The following DIRAS2 variants were observed in gnomAD, a reference collection of about 807,000 sequenced individuals.
DIRAS2 encodes the protein DIRAS family GTPase 2.
In DIRAS2, 5 loss-of-function variants were observed where a neutral mutation model predicts 13.9. The observed-to-expected ratio is 0.36, with a 90% CI of 0.19 to 0.76. DIRAS2 has a LOEUF of 0.76. Among genes scored for constraint, DIRAS2 ranks in the 30% least tolerant of loss-of-function variants. The pLI, the probability that DIRAS2 is intolerant of heterozygous loss-of-function variation, is 0.53. For missense variants in DIRAS2, 191 were observed against 263.0 expected (o/e 0.73, Z 1.89); for synonymous variants, 111 against 105.4 (o/e 1.05, Z -0.33).
intron 1 of DIRAS2, among the ~76,000 whole-genome samples, chr9:90,621,402 G>A (rs1416303112): frequency 6.6e-6 from 1 of 152,054 alleles, no homozygotes; most frequent in Non-Finnish European, 1.5e-5. Flanking sequence ...TCTTCAAGGA[G>A]GGGAGGAAAG....
Position 90,622,159 on chromosome 9 carries a change from G to A in DIRAS2, c.-36-8296C>T, listed in dbSNP as rs190471702. Among the ~76,000 whole-genome samples the A allele has an allele frequency of 3.3e-5, 5 of 152,308 alleles. No homozygotes were observed. In the East Asian group the frequency reaches 9.6e-4, roughly 29 times the overall value. On this transcript the variant is annotated intron_variant, in intron 1 of 1. Transcript: ENST00000375765. ...AGTAGCTACTCAGGAGGTTGAGGCA[G>A]GAGGATCTCTTCAGCCCAGGAATGT... is the stretch of plus-strand genomic sequence containing the variant.
At chr9:90,620,858 T>C (rs1373463302) in intron 1 of DIRAS2, among the ~76,000 whole-genome samples, 3 of 152,214 alleles carry the variant, frequency 2.0e-5, no homozygotes, top group Non-Finnish European at 4.4e-5. Context: ...CATATCTTGA[T>C]GTGGGTGGTG....
At chr9:90,629,789 A>T (rs756811612) in intron 1 of DIRAS2, among the ~76,000 whole-genome samples, 1 of 152,242 alleles carries the variant, frequency 6.6e-6, no homozygotes, top group Non-Finnish European at 1.5e-5. Context: ...AAATAATGAC[A>T]TGAGAAAGAA....
Position 90,640,902 on chromosome 9 carries a change from G to A in DIRAS2, c.-37+1850C>T, listed in dbSNP as rs113336386. Among the ~76,000 whole-genome samples, 865 of 152,156 alleles carry A rather than the reference G, an allele frequency of 5.7e-3. 7 individuals are homozygous for A. Among genetic ancestry groups the A allele is most frequent in the African/African-American group, 0.02 (826 of 41,500 alleles). On this transcript the variant is annotated intron_variant, in intron 1 of 1. Coordinates refer to ENST00000375765, the MANE Select transcript of DIRAS2 (RefSeq NM_017594.5). ...GGTTAATTTTCAACATATCAACTCT[G>A]GTCTCCAAATTAGAAGAAGAATGAA...
Position 90,613,906 on chromosome 9 carries a change from T to C in DIRAS2, c.-36-43A>G. On this transcript the variant is annotated intron_variant, in intron 1 of 1. Transcript: ENST00000375765. This position sits in a 1 kb window ranked among gnomAD's most constrained non-coding sequence, Gnocchi z 5.6. ...TGTTTGAAAGAATTAATAATTAAAATATAAAAACATTAATAAGGATAGCTC... is the reference window on the plus strand; with the variant it reads ...TGTTTGAAAGAATTAATAATTAAAACATAAAAACATTAATAAGGATAGCTC... The C allele has an allele frequency of 6.7e-7, 1 of 1,484,452 alleles. No individual in the cohort carries two copies. Among genetic ancestry groups the C allele is most frequent in the East Asian group, 2.4e-5 (1 of 41,464 alleles). 92.0% of individuals were successfully genotyped at this position (1,484,452 alleles called of 1,614,324 possible).
chr9:90,633,884 G>A (rs1369513586), intron 1 of DIRAS2, among the ~76,000 whole-genome samples: 1 of 152,208 alleles, frequency 6.6e-6, no homozygotes, highest in Non-Finnish European at 1.5e-5. Flanking sequence ...AGGCAGCTCA[G>A]AAACACTTCC....
Position 90,612,762 on chromosome 9 carries a change from C to A in DIRAS2, c.*466G>T. 1 of 164,440 alleles carries A rather than the reference C, an allele frequency of 6.1e-6. No homozygotes were observed. The highest frequency in any genetic ancestry group is 1.3e-5 in the Non-Finnish European group (1 of 75,072). 10.2% of individuals were successfully genotyped at this position (164,440 alleles called of 1,614,324 possible). A position where few individuals can be genotyped will look rare whatever the true frequency, so the allele number is the denominator to read the frequency against. ...AGTGTAAAATGGACCAAGTGTGGTC[C>A]ACTTTGGACCATCTGATCTTCTCAC... On this transcript the variant is annotated 3_prime_UTR_variant, in exon 2 of 2. Transcript: ENST00000375765.
chr9:90,633,539 T>C (rs1407886075), intron 1 of DIRAS2, among the ~76,000 whole-genome samples: 1 of 152,132 alleles, frequency 6.6e-6, no homozygotes, highest in Non-Finnish European at 1.5e-5. Context: ...CTATAGCATC[T>C]GGGATAGGAA....
At chr9:90,635,686 C>T (rs1009749023) in intron 1 of DIRAS2, among the ~76,000 whole-genome samples, 2 of 152,190 alleles carry the variant, frequency 1.3e-5, no homozygotes, top group Non-Finnish European at 2.9e-5. Context: ...TCCTCATAAG[C>T]CTGATCAGAG....
At position 90,613,495 on chromosome 9, in the gene DIRAS2, C is replaced by T; in HGVS notation, c.333G>A (p.Val111=). The part of the protein sequence containing the change: ...YEQICEIKGD[V]ESIPIMLVGN... ...CCACCAGCATGATGGGGATGCTCTC[C>T]ACGTCCCCTTTGATCTCGCAGATTT... The change falls in exon 2 of 2, where the codon GTG becomes GTA. Residue 111 remains valine, a synonymous_variant. Transcript: ENST00000375765. The surrounding 1 kb of genome is among the most constrained non-coding windows in gnomAD (Gnocchi z 5.6). 6.2e-7 allele frequency: 1 copy of T among 1,614,116 alleles called. No individual in the cohort carries two copies. The highest frequency in any genetic ancestry group is 1.1e-5 in the South Asian group (1 of 91,076).
intron 1 of DIRAS2, among the ~76,000 whole-genome samples, chr9:90,620,683 G>A (rs889567853): frequency 2.0e-5 from 3 of 151,670 alleles, no homozygotes; most frequent in African/African-American, 7.3e-5. Context: ...TTGAACCCAG[G>A]AGCAGAGATC....
At chr9:90,625,235 G>A (rs774798033) in intron 1 of DIRAS2, among the ~76,000 whole-genome samples, 11 of 152,192 alleles carry the variant, frequency 7.2e-5, no homozygotes, top group Non-Finnish European at 1.0e-4. Flanking sequence ...TTAATTCACT[G>A]TCAGCCCGTG....
chr9:90,638,673 G>A (rs1825392577), intron 1 of DIRAS2, among the ~76,000 whole-genome samples: 2 of 151,876 alleles, frequency 1.3e-5, no homozygotes, highest in Admixed American at 1.3e-4. Flanking sequence ...CACGTAATTG[G>A]GGTGGTAGGT....
At position 90,629,241 on chromosome 9, in the gene DIRAS2, G is replaced by T. The variant is rs144853687; in HGVS notation, c.-37+13511C>A. Among the ~76,000 whole-genome samples, 176 of 152,232 alleles carry T rather than the reference G, an allele frequency of 1.2e-3. 1 individual carries two copies. Among genetic ancestry groups the T allele is most frequent in the African/African-American group, 4.0e-3 (167 of 41,542 alleles). ...ACAAAATTACATATGTGGTTCACAC[G>T]GTCGGTACTGCTGGAGAACATAAAA... On this transcript the variant is annotated intron_variant, in intron 1 of 1. Coordinates refer to ENST00000375765, the MANE Select transcript of DIRAS2 (RefSeq NM_017594.5).
At chr9:90,641,474 C>G (rs1307790464) in intron 1 of DIRAS2, among the ~76,000 whole-genome samples, 3 of 152,110 alleles carry the variant, frequency 2.0e-5, no homozygotes, top group Non-Finnish European at 2.9e-5. Context: ...GCCACTGTAT[C>G]TTTTATTTCT....
In DIRAS2 at chr9:90,613,416, C is replaced by A; in HGVS notation, c.412G>T (p.Ala138Ser). The change falls in exon 2 of 2, where the codon GCC becomes TCC. Residue 138 changes from alanine to serine, a missense_variant. Transcript: ENST00000375765. This position sits in a 1 kb window ranked among gnomAD's most constrained non-coding sequence, Gnocchi z 5.6. Reference sequence around the variant, plus strand: ...GCACACTTCCATGTGCGGGCCAAGGCCTCCGCCTCGCTGCTCTGCACCTCG... The same window carrying A: ...GCACACTTCCATGTGCGGGCCAAGGACTCCGCCTCGCTGCTCTGCACCTCG... The part of the protein sequence containing the change: ...SREVQSSEAE[A>S]LARTWKCAFM... 1.9e-6 allele frequency: 3 copies of A among 1,614,158 alleles called. No homozygotes were observed. The highest frequency in any genetic ancestry group is 2.2e-5 in the South Asian group (2 of 91,076).
intron 1 of DIRAS2, among the ~76,000 whole-genome samples, chr9:90,623,103 A>C (rs894083378): frequency 5.9e-5 from 9 of 152,196 alleles, no homozygotes; most frequent in African/African-American, 2.2e-4. Flanking sequence ...TTCAACAAGA[A>C]TGCTCATTGC....
rs889722371 is a variant in DIRAS2 at position 90,612,902 on chromosome 9, G to C, written c.*326C>G. 10 of 336,474 alleles carry C rather than the reference G, an allele frequency of 3.0e-5. No homozygotes were observed. In the Admixed American group the frequency reaches 4.1e-4, roughly 14 times the overall value. The allele number at this position is 336,474 out of a possible 1,614,324, so 20.8% of individuals were successfully genotyped here. On this transcript the variant is annotated 3_prime_UTR_variant, in exon 2 of 2. Transcript: ENST00000375765. ...CACGTAGATGACATTTAGTCCTCTC[G>C]GTACATGTTGCTTTGTGGGTACCAG...
intron 1 of DIRAS2, among the ~76,000 whole-genome samples, chr9:90,617,427 A>C (rs1825179986): frequency 6.6e-6 from 1 of 152,240 alleles, no homozygotes; most frequent in African/African-American, 2.4e-5. Flanking sequence ...AGCATGTAGA[A>C]TGAAAGGAGA....
Sources: gnomAD v4.1 joint callset for allele counts (sites outside exome capture counted in the v4.1 genomes callset) on GRCh38, gnomAD v4.1.1 for gene constraint, Gnocchi (gnomAD v3.1) non-coding constraint, MANE v1.5 for transcripts, NCBI Gene and HGNC (gene_info 2026-07-23, HGNC 2026-07-21) for gene names.